RNLS: variants seen among roughly 807,000 people sequenced by gnomAD.
RNLS encodes the protein renalase, FAD dependent amine oxidase.
RNLS carries 39 observed loss-of-function variants against 39.8 expected under a neutral mutation model. That is an observed-to-expected ratio of 0.98 (90% CI 0.76 to 1.28). The LOEUF is 1.28. Among genes scored for constraint, RNLS ranks in the 50% most tolerant of loss-of-function variants. The pLI, the probability that RNLS is intolerant of heterozygous loss-of-function variation, is 0.00. For synonymous variants in RNLS, 147 were observed against 150.7 expected, an observed-to-expected ratio of 0.98 and a Z score of 0.18; for missense variants, 410 against 413.3, an observed-to-expected ratio of 0.99 and a Z score of 0.07.
the RNLS span, among the ~76,000 whole-genome samples, chr10:88,264,579 G>T: frequency 1.3e-5 from 2 of 152,118 alleles, no homozygotes; most frequent in African/African-American, 4.8e-5. Context: ...TAGTGATGTT[G>T]TGCATTTTTC....
chr10:88,264,981 A>G, the RNLS span, among the ~76,000 whole-genome samples: 1 of 152,210 alleles, frequency 6.6e-6, no homozygotes, highest in South Asian at 2.1e-4. Flanking sequence ...CTTCTGTTTA[A>G]GTCTTTGATC....
chr10:88,239,333 C>A, the RNLS span, among the ~76,000 whole-genome samples: 2 of 152,134 alleles, frequency 1.3e-5, no homozygotes, highest in African/African-American at 4.8e-5. Flanking sequence ...ATTGGATCAG[C>A]AGGAGACTGC....
chr10:88,540,419 T>A (rs1311806198), intron 4 of RNLS, among the ~76,000 whole-genome samples: 1 of 152,182 alleles, frequency 6.6e-6, no homozygotes, highest in Admixed American at 6.6e-5. Flanking sequence ...GTTGTTACTA[T>A]TATAACTATT....
intron 4 of RNLS, among the ~76,000 whole-genome samples, chr10:88,561,756 GATAA>G (rs1465450850): frequency 6.6e-6 from 1 of 151,886 alleles, no homozygotes; most frequent in Non-Finnish European, 1.5e-5. Flanking sequence ...AAAAGCAAAA[GATAA>G]ATAAATGCTA....
chr10:88,377,409 T>TCATTTTG (rs1851102283), intron 4 of RNLS, among the ~76,000 whole-genome samples: 1 of 152,162 alleles, frequency 6.6e-6, no homozygotes, highest in East Asian at 1.9e-4. Flanking sequence ...GAGAAATTCA[T>TCATTTTG]CATTAGGTGA....
downstream of RNLS, among the ~76,000 whole-genome samples, chr10:88,282,290 A>G (rs867703214): frequency 6.6e-6 from 1 of 152,122 alleles, no homozygotes; most frequent in South Asian, 2.1e-4. Context: ...TAGCATGTTC[A>G]TCTGGCAGCA....
the RNLS span, among the ~76,000 whole-genome samples, chr10:88,174,016 TA>T: frequency 6.6e-6 from 1 of 152,066 alleles, no homozygotes; most frequent in Non-Finnish European, 1.5e-5. Context: ...GGAGTTATTG[TA>T]AATGGGATTA....
At chr10:88,179,816 A>C in the RNLS span, among the ~76,000 whole-genome samples, 1 of 152,204 alleles carries the variant, frequency 6.6e-6, no homozygotes, top group East Asian at 1.9e-4. Flanking sequence ...AGTATTTGCT[A>C]TGTCTTTTAA....
At chr10:88,218,951 A>C in the RNLS span, among the ~76,000 whole-genome samples, 2 of 152,096 alleles carry the variant, frequency 1.3e-5, no homozygotes, top group Non-Finnish European at 2.9e-5. Context: ...CCTGTCATTT[A>C]CCTGCCCTAT....
At chr10:88,412,352 C>A (rs1198918910) in intron 4 of RNLS, among the ~76,000 whole-genome samples, 1 of 151,926 alleles carries the variant, frequency 6.6e-6, no homozygotes, top group African/African-American at 2.4e-5. Context: ...AATGAAGATA[C>A]AAGCACCTAG....
chr10:88,472,643 T>C (rs1181997930), intron 4 of RNLS, among the ~76,000 whole-genome samples: 1 of 152,206 alleles, frequency 6.6e-6, no homozygotes, highest in East Asian at 1.9e-4. Context: ...TATATTCATA[T>C]AGTCACATTC....
At chr10:88,217,900 C>T in the RNLS span, among the ~76,000 whole-genome samples, 7 of 152,002 alleles carry the variant, frequency 4.6e-5, no homozygotes, top group Admixed American at 4.6e-4. Flanking sequence ...ATTAGCTGGT[C>T]ATGGTGGCAG....
chr10:88,362,709 T>A lies in RNLS; in HGVS notation c.543A>T (p.Gln181His). 6.2e-7 allele frequency: 1 copy of A among 1,613,386 alleles called. No individual in the cohort carries two copies. The highest frequency in any genetic ancestry group is 8.5e-7 in the Non-Finnish European group (1 of 1,179,740). ...GDITTLISECQRQQLEAVSYS... is the reference protein window; with the variant it reads ...GDITTLISECHRQQLEAVSYS... ...AGCTCACAGCCTCCAGTTGCTGCCT[T>A]TGGCATTCACTAATTACTGTGGAAG... Residue 181 changes from glutamine (Q) to histidine (H), a missense_variant, in exon 5 of 7, where the codon CAA (glutamine) becomes CAT (histidine). Physicochemically the swap from Gln to His is conservative, Grantham distance 24. Coordinates refer to ENST00000331772, the MANE Select transcript of RNLS (RefSeq NM_001031709.3).
chr10:88,265,828 A>G, the RNLS span, among the ~76,000 whole-genome samples: 2 of 152,314 alleles, frequency 1.3e-5, no homozygotes, highest in East Asian at 3.9e-4. Context: ...TGCTTGTTAT[A>G]ACTGATTTGT....
intron 4 of RNLS, among the ~76,000 whole-genome samples, chr10:88,504,863 G>GTA (rs1772297324): frequency 6.6e-6 from 1 of 151,576 alleles, no homozygotes; most frequent in African/African-American, 2.4e-5. Flanking sequence ...GTGTGTGTGT[G>GTA]TGTGTGTGTG....
chr10:88,453,951 A>G (rs912914385), intron 4 of RNLS, among the ~76,000 whole-genome samples: 1 of 152,258 alleles, frequency 6.6e-6, no homozygotes, highest in Non-Finnish European at 1.5e-5. Context: ...AAACAAGAAC[A>G]TATTGATCTA....
chr10:88,355,508 T>C (rs1460483409), intron 5 of RNLS, among the ~76,000 whole-genome samples: 1 of 152,180 alleles, frequency 6.6e-6, no homozygotes, highest in Non-Finnish European at 1.5e-5. Flanking sequence ...GTATCAGCAG[T>C]GGAGGCTGCA....
the RNLS span, among the ~76,000 whole-genome samples, chr10:88,171,625 A>G: frequency 6.6e-6 from 1 of 152,234 alleles, no homozygotes; most frequent in African/African-American, 2.4e-5. Flanking sequence ...AGTTCAATAC[A>G]TGTATATAAT....
At chr10:88,420,062 ATG>A in intron 4 of RNLS, among the ~76,000 whole-genome samples, 1 of 117,826 alleles carries the variant, frequency 8.5e-6, no homozygotes. Context: ...AAATAAATGA[ATG>A]AATAAATAAA....
Sources: gnomAD v4.1 joint callset for allele counts (sites outside exome capture counted in the v4.1 genomes callset) on GRCh38, gnomAD v4.1.1 for gene constraint, MANE v1.5 for transcripts, NCBI Gene and HGNC (gene_info 2026-07-23, HGNC 2026-07-21) for gene names.